Variants in TMEM117 observed in about 807,000 individuals in gnomAD.
TMEM117 encodes transmembrane protein 117.
In TMEM117, 27 loss-of-function variants were observed where a neutral mutation model predicts 52.4. The ratio of observed to expected loss-of-function variants is 0.51; its 90% CI spans 0.38 to 0.71. TMEM117 has a LOEUF of 0.71. Among genes scored for constraint, TMEM117 ranks in the 30% least tolerant of loss-of-function variants. TMEM117 has a pLI of 0.00. For synonymous variants in TMEM117, 215 were observed against 206.3 expected (o/e 1.04, Z -0.36); for missense variants, 556 against 630.5 (o/e 0.88, Z 1.26).
intron 2 of TMEM117, among the ~76,000 whole-genome samples, chr12:43,878,236 T>G (rs1162697060): frequency 6.6e-6 from 1 of 152,192 alleles, no homozygotes; most frequent in Admixed American, 6.5e-5. Flanking sequence ...ATTTCAGGGC[T>G]TTAAAGAGTG....
Position 44,163,424 on chromosome 12 carries a change from C to A in TMEM117, c.510+19800C>A, listed in dbSNP as rs77943670. 5.2e-3 allele frequency among the ~76,000 whole-genome samples: 796 copies of A among 152,208 alleles called. 9 individuals carry two copies. Among genetic ancestry groups the A allele is most frequent in the African/African-American group, 0.015 (638 of 41,528 alleles). ...TTTAGTAATAATATAAATTTTCTAT[C>A]TTTAGCTAAGTCTGCATTTCTGAAA... On this transcript the variant is annotated intron_variant, in intron 4 of 7. Coordinates refer to ENST00000266534, the MANE Select transcript of TMEM117 (RefSeq NM_032256.3).
intron 5 of TMEM117, among the ~76,000 whole-genome samples, chr12:44,219,380 C>G (rs944545536): frequency 1.8e-4 from 28 of 152,058 alleles, no homozygotes; most frequent in Non-Finnish European, 3.1e-4. Context: ...ATTGAGATAA[C>G]AACTCTTTTA....
chr12:44,184,607 C>G (rs1949251247), intron 4 of TMEM117, among the ~76,000 whole-genome samples: 1 of 152,276 alleles, frequency 6.6e-6, no homozygotes, highest in Non-Finnish European at 1.5e-5. Flanking sequence ...CAGCTTACAG[C>G]TTACCAGGAA....
chr12:43,996,883 C>T (rs1373133703), intron 3 of TMEM117, among the ~76,000 whole-genome samples: 1 of 152,088 alleles, frequency 6.6e-6, no homozygotes, highest in Non-Finnish European at 1.5e-5. Flanking sequence ...GTAGCTGAAG[C>T]AGTGGGAACT....
At chr12:44,334,776 T>G (rs2138734154) in intron 6 of TMEM117, among the ~76,000 whole-genome samples, 1 of 152,124 alleles carries the variant, frequency 6.6e-6, no homozygotes, top group East Asian at 1.9e-4. Flanking sequence ...CCTCAACTCT[T>G]GGCACAGTGA....
chr12:44,376,456 A>G, intron 6 of TMEM117, 139 bp from the exon 7 acceptor site: 1 of 994,386 alleles, frequency 1.0e-6, no homozygotes, highest in Non-Finnish European at 1.6e-6. Context: ...TAACCATCAC[A>G]GAATGAAACT....
intron 3 of TMEM117, among the ~76,000 whole-genome samples, chr12:43,994,431 A>T (rs1242935513): frequency 6.6e-6 from 1 of 152,192 alleles, no homozygotes; most frequent in Non-Finnish European, 1.5e-5. Context: ...AGTGATTTTA[A>T]GCCTAGCATT....
intron 4 of TMEM117, among the ~76,000 whole-genome samples, chr12:44,200,257 A>G (rs1949477459): frequency 6.6e-6 from 1 of 152,222 alleles, no homozygotes; most frequent in Admixed American, 6.5e-5. Context: ...TGTTTAGTTT[A>G]CCACATATAC....
At chr12:44,361,824 T>G (rs1488564155) in intron 6 of TMEM117, among the ~76,000 whole-genome samples, 3 of 152,096 alleles carry the variant, frequency 2.0e-5, no homozygotes, top group Admixed American at 2.0e-4. Flanking sequence ...AGGGGAGTGA[T>G]AGATAGGCAT....
chr12:43,823,509 CTTTATTTA>C, the TMEM117 span, among the ~76,000 whole-genome samples: 1 of 151,790 alleles, frequency 6.6e-6, no homozygotes, highest in Admixed American at 6.6e-5. Flanking sequence ...ATTTTTATTT[CTTTATTTA>C]TTTATTTTTT....
At chr12:43,845,085 T>A in intron 2 of TMEM117, 157 bp downstream of exon 2, 1 of 744,394 alleles carries the variant, frequency 1.3e-6, no homozygotes, top group Non-Finnish European at 2.1e-6. Context: ...GTTCTTCAAC[T>A]ACTCTCTGTT....
chr12:43,997,983 G>A (rs1005158964), intron 3 of TMEM117, among the ~76,000 whole-genome samples: 2 of 152,206 alleles, frequency 1.3e-5, no homozygotes, highest in Non-Finnish European at 2.9e-5. Context: ...CTGTGATAGA[G>A]CTGGTTCTCA....
chr12:44,044,175 C>T (rs773299425), intron 3 of TMEM117, among the ~76,000 whole-genome samples: 10 of 152,172 alleles, frequency 6.6e-5, no homozygotes, highest in Non-Finnish European at 1.3e-4. Context: ...GAGAGCAGCA[C>T]CTGTGTCTTT....
At chr12:44,387,219 C>G (rs1003554314) in intron 7 of TMEM117, among the ~76,000 whole-genome samples, 1 of 151,564 alleles carries the variant, frequency 6.6e-6, no homozygotes, top group Non-Finnish European at 1.5e-5. Context: ...TTATAATGGA[C>G]TCTAGTATAC....
At chr12:44,097,351 C>T (rs568753409) in intron 3 of TMEM117, among the ~76,000 whole-genome samples, 8 of 152,132 alleles carry the variant, frequency 5.3e-5, no homozygotes, top group Non-Finnish European at 1.0e-4. Flanking sequence ...TTGACCCAGC[C>T]ATCCCGTTAC....
chr12:43,867,239 A>G (rs138173128), intron 2 of TMEM117, among the ~76,000 whole-genome samples: 264 of 152,354 alleles, frequency 1.7e-3, no homozygotes, highest in African/African-American at 5.9e-3. Context: ...AGATTCTTGT[A>G]TTTTATATGA....
intron 4 of TMEM117, among the ~76,000 whole-genome samples, chr12:44,153,057 AC>A (rs1420823031): frequency 6.6e-6 from 1 of 151,756 alleles, no homozygotes; most frequent in African/African-American, 2.4e-5. Flanking sequence ...CAGAAGTACT[AC>A]AAAAGAAGCA....
At chr12:44,291,051 G>A (rs1950697497) in intron 5 of TMEM117, among the ~76,000 whole-genome samples, 1 of 151,930 alleles carries the variant, frequency 6.6e-6, no homozygotes, top group African/African-American at 2.4e-5. Context: ...ATTTTTATAG[G>A]GATTACATTG....
chr12:44,120,640 T>G (rs943252548), intron 3 of TMEM117, among the ~76,000 whole-genome samples: 2 of 152,226 alleles, frequency 1.3e-5, no homozygotes, highest in Admixed American at 1.3e-4. Flanking sequence ...CTAGTAAATT[T>G]CCTCCCTAGA....
Sources: allele counts gnomAD v4.1 joint callset (sites outside exome capture counted in the v4.1 genomes callset), GRCh38; gene constraint gnomAD v4.1.1; transcripts MANE v1.5; gene names NCBI Gene and HGNC (gene_info 2026-07-23, HGNC 2026-07-21).